RAPGEF4: variants seen among roughly 807,000 people sequenced by gnomAD.
RAPGEF4 encodes Rap guanine nucleotide exchange factor 4.
In RAPGEF4, 66 loss-of-function variants were observed where a neutral mutation model predicts 147.9. That is an observed-to-expected ratio of 0.45 (90% CI 0.37 to 0.55). The LOEUF (loss-of-function observed/expected upper bound fraction) is 0.55. Ranked by LOEUF, RAPGEF4 falls within the 20% of genes least tolerant of loss-of-function variation. RAPGEF4 has a pLI of 0.00. For synonymous variants in RAPGEF4, 419 were observed against 442.7 expected, an observed-to-expected ratio of 0.95 and a Z score of 0.67; for missense variants, 1,071 against 1,257.3, an observed-to-expected ratio of 0.85 and a Z score of 2.24.
intron 10 of RAPGEF4, among the ~76,000 whole-genome samples, chr2:172,974,155 A>G (rs1348171347): frequency 6.6e-6 from 1 of 152,186 alleles, no homozygotes; most frequent in African/African-American, 2.4e-5. Context: ...TAGTTATTTA[A>G]CATTACTCCC....
chr2:172,806,557 A>G (rs867355581), intron 3 of RAPGEF4, among the ~76,000 whole-genome samples: 13 of 152,242 alleles, frequency 8.5e-5, no homozygotes, highest in Admixed American at 2.0e-4. Context: ...TACCATTTCA[A>G]GAAAAGTTGG....
At chr2:173,039,562 A>G (rs894949470) in intron 29 of RAPGEF4, among the ~76,000 whole-genome samples, 1 of 152,096 alleles carries the variant, frequency 6.6e-6, no homozygotes, top group Admixed American at 6.5e-5. Context: ...CACTTGGTTC[A>G]AGATGGCAAC....
In RAPGEF4 at chr2:172,916,750, A is replaced by G. The variant is rs531918199; in HGVS notation, c.445-1052A>G. On this transcript the variant is annotated intron_variant, in intron 4 of 30. Transcript: ENST00000397081. ...TTTGAGAAAGCATCAATGTCACATT[A>G]CAAACGCCATTCAAATCTACCAAAT... is the stretch of plus-strand genomic sequence containing the variant. 5.3e-5 allele frequency among the ~76,000 whole-genome samples: 8 copies of G among 152,362 alleles called. No individual in the cohort carries two copies. In the South Asian group the frequency reaches 1.7e-3, roughly 32 times the overall value.
intron 10 of RAPGEF4, among the ~76,000 whole-genome samples, chr2:172,982,055 G>A (rs1356231427): frequency 6.6e-6 from 1 of 152,120 alleles, no homozygotes; most frequent in Admixed American, 6.5e-5. Context: ...GAAAGATATT[G>A]TCCCCAGTTT....
At chr2:172,776,018 G>T (rs2149498157) in intron 1 of RAPGEF4, among the ~76,000 whole-genome samples, 1 of 152,240 alleles carries the variant, frequency 6.6e-6, no homozygotes, top group South Asian at 2.1e-4. Flanking sequence ...GATCTGGAAG[G>T]TTCATATACG....
At chr2:172,976,524 T>A (rs1467158680) in intron 10 of RAPGEF4, among the ~76,000 whole-genome samples, 1 of 151,752 alleles carries the variant, frequency 6.6e-6, no homozygotes, top group African/African-American at 2.4e-5. Flanking sequence ...AAATAAAGCA[T>A]CCCCCACCCC....
chr2:172,855,012 A>G (rs1224801002), intron 4 of RAPGEF4, among the ~76,000 whole-genome samples: 1 of 152,142 alleles, frequency 6.6e-6, no homozygotes, highest in Non-Finnish European at 1.5e-5. Context: ...CATAGCTTTG[A>G]TTCACTCACA....
At chr2:173,012,436 T>C (rs1442793593) in intron 17 of RAPGEF4, among the ~76,000 whole-genome samples, 1 of 152,186 alleles carries the variant, frequency 6.6e-6, no homozygotes, top group Non-Finnish European at 1.5e-5. Flanking sequence ...TCCTATGCCA[T>C]GGAAATGAAA....
At chr2:172,740,073 G>A (rs959942313) in intron 1 of RAPGEF4, among the ~76,000 whole-genome samples, 1 of 152,210 alleles carries the variant, frequency 6.6e-6, no homozygotes, top group African/African-American at 2.4e-5. Context: ...GTCTACAGCT[G>A]CTTTCCCGCT....
chr2:172,883,520 T>A (rs1467599111), intron 4 of RAPGEF4, among the ~76,000 whole-genome samples: 2 of 152,174 alleles, frequency 1.3e-5, no homozygotes, highest in Non-Finnish European at 2.9e-5. Flanking sequence ...TTCTGACAAG[T>A]GGTCAAAAAC....
chr2:172,859,692 A>G (rs1052778819), intron 4 of RAPGEF4, among the ~76,000 whole-genome samples: 1 of 152,138 alleles, frequency 6.6e-6, no homozygotes, highest in African/African-American at 2.4e-5. Context: ...CCTGAAGGTA[A>G]AGTGCACCCT....
At chr2:173,007,975 G>A (rs1694650378) in intron 17 of RAPGEF4, among the ~76,000 whole-genome samples, 1 of 152,146 alleles carries the variant, frequency 6.6e-6, no homozygotes, top group Non-Finnish European at 1.5e-5. Flanking sequence ...CTGGCTCTAT[G>A]TCCCCACCCA....
chr2:172,825,384 A>G (rs1316758930), intron 4 of RAPGEF4, among the ~76,000 whole-genome samples: 6 of 152,250 alleles, frequency 3.9e-5, no homozygotes, highest in Non-Finnish European at 8.8e-5. Flanking sequence ...CTTTTGCACC[A>G]TTGTAAATTT....
In RAPGEF4 at chr2:173,036,696, T is replaced by C. The variant is rs1454053731; in HGVS notation, c.2853+4T>C. 3 of 1,598,260 alleles carry C rather than the reference T, an allele frequency of 1.9e-6. No individual in the cohort carries two copies. Among genetic ancestry groups the C allele is most frequent in the African/African-American group, 2.7e-5 (2 of 74,472 alleles). ...TCTAGTAAACTTTGAAAAAATGGTA[T>C]GTGCAGTATTATAACCTTAACCACA... On this transcript the variant is annotated splice_donor_region_variant and intron_variant, in intron 29 of 30. Coordinates refer to ENST00000397081, the MANE Select transcript of RAPGEF4 (RefSeq NM_007023.4).
At chr2:172,805,790 C>T (rs554950734) in intron 3 of RAPGEF4, among the ~76,000 whole-genome samples, 9 of 152,292 alleles carry the variant, frequency 5.9e-5, no homozygotes, top group African/African-American at 2.2e-4. Flanking sequence ...GCACAAGATC[C>T]TCTCCTGTCT....
At chr2:172,919,400 A>G (rs1294600911) in intron 5 of RAPGEF4, among the ~76,000 whole-genome samples, 3 of 151,882 alleles carry the variant, frequency 2.0e-5, no homozygotes, top group Non-Finnish European at 4.4e-5. Flanking sequence ...CCAACCAATA[A>G]CCAGACCTGA....
At chr2:172,974,916 T>G (rs2105581245) in intron 10 of RAPGEF4, among the ~76,000 whole-genome samples, 1 of 152,292 alleles carries the variant, frequency 6.6e-6, no homozygotes, top group East Asian at 1.9e-4. Flanking sequence ...TCCTGAGTTT[T>G]ACTATGTATT....
intron 6 of RAPGEF4, among the ~76,000 whole-genome samples, chr2:172,938,544 AT>A (rs1386801392): frequency 6.6e-6 from 1 of 152,088 alleles, no homozygotes; most frequent in Non-Finnish European, 1.5e-5. Flanking sequence ...CGCTCCACTC[AT>A]TTCTTAAGTC....
intron 4 of RAPGEF4, among the ~76,000 whole-genome samples, chr2:172,838,811 CAG>C (rs1470118590): frequency 1.3e-5 from 2 of 151,954 alleles, no homozygotes; most frequent in East Asian, 1.9e-4. Flanking sequence ...AACACAGTCA[CAG>C]GGGAGGATGG....
Sources: allele counts gnomAD v4.1 joint callset (sites outside exome capture counted in the v4.1 genomes callset), GRCh38; gene constraint gnomAD v4.1.1; transcripts MANE v1.5; gene names NCBI Gene and HGNC (gene_info 2026-07-23, HGNC 2026-07-21).